Variants in TRAK1 observed in about 807,000 individuals in gnomAD.
TRAK1 encodes the protein trafficking kinesin protein 1.
Under a neutral mutation model 92.1 loss-of-function variants are expected in TRAK1, and 33 were observed. The ratio of observed to expected loss-of-function variants is 0.36; its 90% CI spans 0.27 to 0.48. The LOEUF is 0.48. TRAK1 is among the 20% of genes least tolerant of loss of function. TRAK1 has a pLI of 0.99. For synonymous variants in TRAK1, 521 were observed against 517.3 expected, an observed-to-expected ratio of 1.01 and a Z score of -0.10; for missense variants, 1,123 against 1,257.9, an observed-to-expected ratio of 0.89 and a Z score of 1.62.
chr3:42,183,352 T>A (rs1704283401), intron 3 of TRAK1, among the ~76,000 whole-genome samples: 1 of 151,994 alleles, frequency 6.6e-6, no homozygotes, highest in Non-Finnish European at 1.5e-5. Flanking sequence ...GATCAGGAGT[T>A]TGAGACCAGT....
intron 1 of TRAK1, among the ~76,000 whole-genome samples, chr3:42,026,524 CTTTTT>C (rs779064338): frequency 3.0e-5 from 4 of 135,062 alleles, no homozygotes; most frequent in Admixed American, 7.5e-5. Context: ...TCAGTGATCT[CTTTTT>C]TTTTTTTTTT....
chr3:42,222,461 TCATCTCC>T (rs1378821959), intron 15 of TRAK1, among the ~76,000 whole-genome samples: 1 of 152,156 alleles, frequency 6.6e-6, no homozygotes, highest in Non-Finnish European at 1.5e-5. Flanking sequence ...AAGGAGTATC[TCATCTCC>T]CAGAGTCCTG....
In TRAK1 at chr3:42,091,431, C is replaced by G; in HGVS notation, c.-39C>G. On this transcript the variant is annotated 5_prime_UTR_variant, in exon 1 of 16. Coordinates refer to ENST00000327628, the MANE Select transcript of TRAK1 (RefSeq NM_001042646.3). ...GGGGCTGAGCTCTCATGGAGGCTCTCTCTGTTCTCTGAAGTGCCTTTGGAG... is the reference window on the plus strand; with the variant it reads ...GGGGCTGAGCTCTCATGGAGGCTCTGTCTGTTCTCTGAAGTGCCTTTGGAG... 1.3e-6 allele frequency: 2 copies of G among 1,594,608 alleles called. No homozygotes were observed. The highest frequency in any genetic ancestry group is 1.1e-5 in the South Asian group (1 of 89,858).
At chr3:42,094,047 C>A (rs138228109) in intron 1 of TRAK1, among the ~76,000 whole-genome samples, 1 of 151,962 alleles carries the variant, frequency 6.6e-6, no homozygotes, top group East Asian at 2.0e-4. Flanking sequence ...CTTTGTTCAC[C>A]CCAAACTATT....
At chr3:42,176,782 G>A (rs746748666) in intron 2 of TRAK1, 32 bp from the exon 3 acceptor site, 58 of 1,593,406 alleles carry the variant, frequency 3.6e-5, no homozygotes, top group Non-Finnish European at 4.8e-5. Context: ...TTGTGACATT[G>A]GGAGTCTCAT....
At chr3:42,169,208 T>A (rs13322591) in intron 2 of TRAK1, among the ~76,000 whole-genome samples, 2 of 152,102 alleles carry the variant, frequency 1.3e-5, no homozygotes, top group South Asian at 4.1e-4. Flanking sequence ...ATTATATGAA[T>A]GGAATCATAC....
chr3:42,040,381 T>A (rs1040528457), intron 1 of TRAK1, among the ~76,000 whole-genome samples: 14 of 152,230 alleles, frequency 9.2e-5, no homozygotes, highest in Admixed American at 3.3e-4. Context: ...ATTACTCTTT[T>A]CTGTTCTAAG....
In TRAK1 at chr3:42,193,892, A is replaced by G. The variant is rs1706190629; in HGVS notation, c.969A>G (p.Thr323=). 3.1e-6 allele frequency: 5 copies of G among 1,613,946 alleles called. No individual in the cohort carries two copies. The highest frequency in any genetic ancestry group is 3.4e-6 in the Non-Finnish European group (4 of 1,179,868). ...CTAAGGATGCCCAGCGGCAGCTCAC[A>G]GCCGAGGTGAGCACCTCTCCCTCAT... The part of the protein sequence containing the change: ...GAAKDAQRQL[T]AELRELEDKY... The change falls in exon 9 of 16, where the codon ACA becomes ACG. Residue 323 remains threonine (T), a synonymous_variant. Transcript: ENST00000327628.
At chr3:42,150,333 T>G (rs561254904) in intron 2 of TRAK1, among the ~76,000 whole-genome samples, 16 of 152,182 alleles carry the variant, frequency 1.1e-4, no homozygotes, top group African/African-American at 3.6e-4. Context: ...AGCACTGAGG[T>G]GCGTTCTCAG....
intron 1 of TRAK1, among the ~76,000 whole-genome samples, chr3:42,110,441 A>G (rs1708233304): frequency 6.6e-6 from 1 of 152,042 alleles, no homozygotes; most frequent in South Asian, 2.1e-4. Context: ...GGAGTCCTAC[A>G]CACAGAGCTT....
chr3:42,063,272 A>G (rs907385845), intron 1 of TRAK1, among the ~76,000 whole-genome samples: 6 of 152,252 alleles, frequency 3.9e-5, no homozygotes, highest in Admixed American at 3.3e-4. Flanking sequence ...CTTCGCGGGA[A>G]AAGTTTGCCA....
At chr3:42,217,201 C>T (rs1709819320) in intron 14 of TRAK1, 1 of 979,756 alleles carries the variant, frequency 1.0e-6, no homozygotes, top group African/African-American at 1.8e-5. Context: ...CTCTGATGAT[C>T]CCAGTCTTGG....
Position 42,056,026 on chromosome 3 carries a change from T to G in TRAK1, c.-518-31078T>G, listed in dbSNP as rs573080708. Among the ~76,000 whole-genome samples, 91 of 152,380 alleles carry G rather than the reference T, an allele frequency of 6.0e-4. 1 individual carries two copies. The highest frequency in any genetic ancestry group is 2.0e-3 in the African/African-American group (83 of 41,598). On this transcript the variant is annotated intron_variant, in intron 1 of 16. Coordinates refer to the TRAK1 transcript ENST00000487159. Reference sequence around the variant, plus strand: ...GGTATCAGTACTTCATTCCTTATTATTGCTGTATAATATTCCATTGTTATG... The same window carrying G: ...GGTATCAGTACTTCATTCCTTATTAGTGCTGTATAATATTCCATTGTTATG...
chr3:42,032,510 C>T (rs1702185721), intron 1 of TRAK1, among the ~76,000 whole-genome samples: 1 of 151,032 alleles, frequency 6.6e-6, no homozygotes, highest in Non-Finnish European at 1.5e-5. Flanking sequence ...TCTTTGCAAC[C>T]TCCAGCCTCT....
chr3:42,074,722 A>G (rs1704076925), intron 1 of TRAK1, among the ~76,000 whole-genome samples: 1 of 150,232 alleles, frequency 6.7e-6, no homozygotes, highest in Non-Finnish European at 1.5e-5. Context: ...CAGGTAGTAC[A>G]TGTATAGGTT....
intron 2 of TRAK1, among the ~76,000 whole-genome samples, chr3:42,127,838 A>G (rs566882232): frequency 7.2e-5 from 11 of 152,308 alleles, no homozygotes; most frequent in Non-Finnish European, 1.2e-4. Context: ...TGAAAGGCTC[A>G]GTGTTTACTC....
Position 42,202,610 on chromosome 3 carries a change from C to G in TRAK1, c.1602C>G (p.Arg534=), listed in dbSNP as rs1451881283. 1 of 1,599,342 alleles carries G rather than the reference C, an allele frequency of 6.3e-7. No individual in the cohort carries two copies. Among genetic ancestry groups the G allele is most frequent in the Middle Eastern group, 1.7e-4 (1 of 6,026 alleles). ...LQELAEKGEL[R]SGSLTPTESI... ...AGCTGGCGGAGAAGGGCGAGCTGCG[C>G]AGCGGCTCCCTCACACCCACTGAGA... is the stretch of plus-strand genomic sequence containing the variant. Residue 534 remains arginine (R), a synonymous_variant, in exon 13 of 16, where the codon CGC becomes CGG. Coordinates refer to ENST00000327628, the MANE Select transcript of TRAK1 (RefSeq NM_001042646.3). The surrounding 1 kb of genome is among the most constrained non-coding windows in gnomAD (Gnocchi z 6.1).
At chr3:42,101,624 A>C (rs6806570) in intron 1 of TRAK1, among the ~76,000 whole-genome samples, 17,274 of 152,232 alleles carry the variant, frequency 0.11, 1,177 homozygotes, top group African/African-American at 0.19. Context: ...CTCTGTCTCA[A>C]CTGCTTGTCT....
At chr3:42,091,089 C>T, upstream of TRAK1, 1 of 225,042 alleles carries the variant, frequency 4.4e-6, no homozygotes, top group Non-Finnish European at 8.6e-6. Context: ...ACTCCTCCCC[C>T]AGTTCCCAGC....
Sources: allele counts gnomAD v4.1 joint callset (sites outside exome capture counted in the v4.1 genomes callset), GRCh38; gene constraint gnomAD v4.1.1; non-coding constraint Gnocchi (gnomAD v3.1); transcripts MANE v1.5; gene names NCBI Gene and HGNC (gene_info 2026-07-23, HGNC 2026-07-21).